The following GABRG3 variants were observed in gnomAD, a reference collection of about 807,000 sequenced individuals.
The protein encoded by GABRG3 is gamma-aminobutyric acid receptor subunit gamma-3.
GABRG3 carries 25 observed loss-of-function variants against 48.8 expected under a neutral mutation model. That is an observed-to-expected ratio of 0.51 (90% confidence interval 0.37 to 0.72). The LOEUF is 0.72. GABRG3 is among the 30% of genes least tolerant of loss of function. The probability of loss-of-function intolerance (pLI) is 0.00; values close to 1 mark genes in which losing one functional copy is unlikely to be tolerated. For missense variants in GABRG3, 394 were observed against 577.9 expected (o/e 0.68, Z 3.26); for synonymous variants, 227 against 217.6 (o/e 1.04, Z -0.38).
intron 3 of GABRG3, among the ~76,000 whole-genome samples, chr15:27,326,132 G>A (rs1048197899): frequency 2.6e-5 from 4 of 152,138 alleles, no homozygotes; most frequent in East Asian, 3.9e-4. Context: ...ACTGGGCACC[G>A]TGAACACTGC....
At position 27,520,005 on chromosome 15, in the gene GABRG3, T is replaced by A; in HGVS notation, c.746T>A (p.Leu249Ter). Residue 249 changes from leucine (L) to a stop codon, truncating the protein, a stop_gained, in exon 7 of 10, where the codon TTG becomes TAG. Coordinates refer to ENST00000615808, the MANE Select transcript of GABRG3 (RefSeq NM_033223.5). LOFTEE classifies it high-confidence loss of function. ...GTTGTCATGACTATATATTTTGAATTGAGTAGAAGAATGGGATACTTCACC... is the reference window on the plus strand; with the variant it reads ...GTTGTCATGACTATATATTTTGAATAGAGTAGAAGAATGGGATACTTCACC... Reference protein sequence around the residue: ...DYVVMTIYFELSRRMGYFTIQ... With the variant: ...DYVVMTIYFE 1 of 1,574,866 alleles carries A rather than the reference T, an allele frequency of 6.3e-7. No homozygotes were observed. The highest frequency in any genetic ancestry group is 8.6e-7 in the Non-Finnish European group (1 of 1,158,588).
At chr15:27,034,818 C>A (rs1330427276) in intron 3 of GABRG3, among the ~76,000 whole-genome samples, 3 of 152,164 alleles carry the variant, frequency 2.0e-5, no homozygotes, top group African/African-American at 7.2e-5. Flanking sequence ...CACGTGCATG[C>A]CTGCTAGTCT....
In GABRG3 at chr15:27,532,736, G is replaced by A; in HGVS notation, c.1259G>A (p.Cys420Tyr). The part of the protein sequence containing the change: ...DGKDCQSFFC[C>Y]YEECKSGSWR... ...AAAGACTGTCAGAGCTTCTTCTGCT[G>A]CTATGAAGAATGTAAATCAGGATCC... The change falls in exon 10 of 10, where the codon TGC becomes TAC. Residue 420 changes from cysteine to tyrosine, a missense_variant. By Grantham distance (194) the Cys-to-Tyr change is radical (BLOSUM62 -2). Around this residue, in one of 3 missense-constraint regions of GABRG3, gnomAD observed 126 missense variants for 155.5 expected, o/e 0.81. Coordinates refer to ENST00000615808, the MANE Select transcript of GABRG3 (RefSeq NM_033223.5). 6.2e-7 allele frequency: 1 copy of A among 1,614,014 alleles called. No individual in the cohort carries two copies. The highest frequency in any genetic ancestry group is 1.7e-5 in the Admixed American group (1 of 60,022).
chr15:27,183,047 C>G (rs1887982387), intron 3 of GABRG3, among the ~76,000 whole-genome samples: 1 of 152,156 alleles, frequency 6.6e-6, no homozygotes, highest in South Asian at 2.1e-4. Context: ...CGAGAAGAGC[C>G]TTAGGTGGTT....
At chr15:27,227,377 G>A (rs186843334) in intron 3 of GABRG3, among the ~76,000 whole-genome samples, 2 of 151,660 alleles carry the variant, frequency 1.3e-5, no homozygotes, top group South Asian at 4.1e-4. Flanking sequence ...TGCACCTGTA[G>A]TCCTTTGTTA....
chr15:27,536,316 T>A lies in GABRG3; in HGVS notation c.*3435T>A, dbSNP rs1275189313. On this transcript the variant is annotated 3_prime_UTR_variant, in exon 10 of 10. Transcript: ENST00000615808. ...CATACCAGACAGAGAAGGACAAAGT[T>A]AGTATAATTTACTCTGGACCCAGCC... 1 of 152,190 alleles carries A rather than the reference T, an allele frequency of 6.6e-6. No individual in the cohort carries two copies. Among genetic ancestry groups the A allele is most frequent in the Admixed American group, 6.5e-5 (1 of 15,278 alleles). 9.4% of individuals were successfully genotyped at this position (152,190 alleles called of 1,614,324 possible). A position where few individuals can be genotyped will look rare whatever the true frequency, so the allele number is the denominator to read the frequency against.
At chr15:27,094,888 T>C (rs1157613689) in intron 3 of GABRG3, among the ~76,000 whole-genome samples, 4 of 152,326 alleles carry the variant, frequency 2.6e-5, no homozygotes, top group Non-Finnish European at 5.9e-5. Context: ...CAAATATATA[T>C]ATTATGACAA....
intron 5 of GABRG3, among the ~76,000 whole-genome samples, chr15:27,466,443 A>G (rs1001696693): frequency 1.3e-5 from 2 of 148,556 alleles, no homozygotes; most frequent in Non-Finnish European, 2.9e-5. Flanking sequence ...AGACAAGAAA[A>G]TGATCCCAAT....
rs978906972 is a variant in GABRG3, at chr15:27,450,761, A to G, written c.575-29889A>G. 3.9e-5 allele frequency among the ~76,000 whole-genome samples: 6 copies of G among 152,300 alleles called. No individual in the cohort carries two copies. In the Middle Eastern group the frequency reaches 0.01, roughly 259 times the overall value. ...GGGGTGGCATCCAAATCTTCTGAAA[A>G]AAAGAACTAAAAATGTCTCAGGTTG... On this transcript the variant is annotated intron_variant, in intron 5 of 9. Transcript: ENST00000615808.
chr15:26,971,610 TC>T, intron 1 of GABRG3, 22 bp downstream of exon 1: 2 of 1,521,414 alleles, frequency 1.3e-6, no homozygotes, highest in Non-Finnish European at 8.8e-7. Flanking sequence ...GGGGGCCGCA[TC>T]CCCGGAGGCC....
intron 5 of GABRG3, among the ~76,000 whole-genome samples, chr15:27,333,924 C>G (rs1485556132): frequency 1.3e-5 from 2 of 152,114 alleles, no homozygotes; most frequent in Admixed American, 6.5e-5. Context: ...AAATTTTGGT[C>G]ATTTAGTTCC....
chr15:27,102,434 G>A (rs1595526444), intron 3 of GABRG3, among the ~76,000 whole-genome samples: 1 of 152,096 alleles, frequency 6.6e-6, no homozygotes, highest in East Asian at 1.9e-4. Context: ...AAATGCCTGG[G>A]CTCCATAATA....
rs1887881305 is a variant in GABRG3 at position 27,180,149 on chromosome 15, G to GC, written c.271-146657dup. 6.6e-6 allele frequency among the ~76,000 whole-genome samples: 1 copy of GC among 152,258 alleles called. No homozygotes were observed. The highest frequency in any genetic ancestry group is 2.4e-5 in the African/African-American group (1 of 41,544). ...CAGAGCTCACAAAGAAGTTGTCCAG[G>GC]CCCGGGGGGTGAGATACATAAATTG... On this transcript the variant is annotated intron_variant, in intron 3 of 9. Transcript: ENST00000615808. This position sits in a 1 kb window ranked among gnomAD's most constrained non-coding sequence, Gnocchi z 4.2.
intron 3 of GABRG3, among the ~76,000 whole-genome samples, chr15:27,176,571 A>C (rs765600824): frequency 2.6e-5 from 4 of 152,212 alleles, no homozygotes; most frequent in African/African-American, 7.2e-5. Context: ...TGTGCTAAGA[A>C]TAACAGTTGT....
rs1891126516 is a variant in GABRG3, at chr15:27,520,203, A to C, written c.865+79A>C. The C allele has an allele frequency of 3.9e-5, 51 of 1,316,350 alleles. 1 individual carries two copies. The South Asian group carries it at 6.3e-4, about 16-fold the overall frequency. The allele number at this position is 1,316,350 out of a possible 1,614,324, so 81.5% of individuals were successfully genotyped here. ...TTCATAAAAAATACCTTCAATGTAAAAGACTATTTAAATGTGAATGATCTC... is the reference window on the plus strand; with the variant it reads ...TTCATAAAAAATACCTTCAATGTAACAGACTATTTAAATGTGAATGATCTC... On this transcript the variant is annotated intron_variant, in intron 7 of 9. Coordinates refer to ENST00000615808, the MANE Select transcript of GABRG3 (RefSeq NM_033223.5).
chr15:27,351,225 G>A (rs569422838), intron 5 of GABRG3, among the ~76,000 whole-genome samples: 38 of 144,790 alleles, frequency 2.6e-4, no homozygotes, highest in African/African-American at 9.4e-4. Flanking sequence ...TGCGTGTATG[G>A]TGTGTGTGTT....
At chr15:27,278,204 A>G (rs1278384879) in intron 3 of GABRG3, among the ~76,000 whole-genome samples, 1 of 151,950 alleles carries the variant, frequency 6.6e-6, no homozygotes, top group Non-Finnish European at 1.5e-5. Context: ...GGCATGCACC[A>G]CCATGCCCGG....
intron 2 of GABRG3, among the ~76,000 whole-genome samples, chr15:26,997,014 CTTTTTCTCTGTGTTTCAGATTTCACT>C (rs1370192490): frequency 6.6e-6 from 1 of 152,046 alleles, no homozygotes; most frequent in Non-Finnish European, 1.5e-5. Flanking sequence ...TTCATCATTC[CTTTTTCTCTGTGTTTCAGATTTCACT>C]TTTTCTATTG....
chr15:27,112,514 T>A (rs921551363), intron 3 of GABRG3, among the ~76,000 whole-genome samples: 1 of 151,026 alleles, frequency 6.6e-6, no homozygotes, highest in African/African-American at 2.4e-5. Flanking sequence ...AATCTCAGCT[T>A]ACTTCAACCT....
Sources: gnomAD v4.1 joint callset for allele counts (sites outside exome capture counted in the v4.1 genomes callset) on GRCh38, gnomAD v4.1.1 for gene constraint, gnomAD v4.1.1 regional missense constraint, Gnocchi (gnomAD v3.1) non-coding constraint, MANE v1.5 for transcripts, NCBI Gene and HGNC (gene_info 2026-07-23, HGNC 2026-07-21) for gene names.